The following N4BP2L2 variants were observed in gnomAD, a reference collection of about 807,000 sequenced individuals.
N4BP2L2 encodes NEDD4-binding protein 2-like 2.
A neutral mutation model predicts 56.2 loss-of-function variants in N4BP2L2; 50 were observed. The observed-to-expected ratio is 0.89, with a 90% CI of 0.71 to 1.13. The LOEUF (loss-of-function observed/expected upper bound fraction) is 1.13. Among genes scored for constraint, N4BP2L2 ranks in the 50% most tolerant of loss-of-function variants. N4BP2L2 has a pLI of 0.00. For synonymous variants in N4BP2L2, 203 were observed against 223.6 expected, an observed-to-expected ratio of 0.91 and a Z score of 0.82; for missense variants, 689 against 693.8, an observed-to-expected ratio of 0.99 and a Z score of 0.08.
chr13:32,518,538 A>T (rs1484117727), intron 5 of N4BP2L2, among the ~76,000 whole-genome samples: 3 of 152,192 alleles, frequency 2.0e-5, no homozygotes, highest in Non-Finnish European at 4.4e-5. Flanking sequence ...CCATATATAT[A>T]TGTATTATAC....
At chr13:32,454,420 G>A (rs1249035517) in intron 6 of N4BP2L2, among the ~76,000 whole-genome samples, 1 of 152,084 alleles carries the variant, frequency 6.6e-6, no homozygotes, top group Non-Finnish European at 1.5e-5. Context: ...AAACCTTGGG[G>A]GGGAGGGGGT....
chr13:32,526,736 CAA>C (rs2052927721), intron 3 of N4BP2L2: 1 of 129,710 alleles, frequency 7.7e-6, no homozygotes, highest in Non-Finnish European at 1.6e-5. Context: ...AATTTCAAAA[CAA>C]AAAGTATCAA....
chr13:32,458,267 G>A (rs182033941), intron 6 of N4BP2L2, among the ~76,000 whole-genome samples: 59 of 152,180 alleles, frequency 3.9e-4, no homozygotes, highest in African/African-American at 1.3e-3. Context: ...GGGTTTCACC[G>A]TGTTAGCCAG....
chr13:32,478,139 C>A, intron 6 of N4BP2L2: 1 of 1,032,366 alleles, frequency 9.7e-7, no homozygotes, highest in Non-Finnish European at 1.3e-6. Context: ...ACGCCATGGC[C>A]AGAACATTCA....
intron 6 of N4BP2L2, among the ~76,000 whole-genome samples, chr13:32,455,084 C>T (rs1331884058): frequency 6.6e-6 from 1 of 152,210 alleles, no homozygotes; most frequent in African/African-American, 2.4e-5. Context: ...GTCCCACTGT[C>T]CTACAACTCC....
At chr13:32,503,803 C>T (rs142927159) in intron 6 of N4BP2L2, among the ~76,000 whole-genome samples, 129 of 152,244 alleles carry the variant, frequency 8.5e-4, no homozygotes, top group African/African-American at 2.9e-3. Flanking sequence ...TCCAGCACTT[C>T]GGGGGACCGA....
exon 7 of N4BP2L2, chr13:32,443,349 T>A (rs765817606): frequency 1.2e-6 from 2 of 1,613,912 alleles, no homozygotes; most frequent in Non-Finnish European, 1.7e-6. Flanking sequence ...TCTGTTCACA[T>A]ATAAACTTAT....
At chr13:32,532,875 C>T (rs2055320772) in intron 2 of N4BP2L2, among the ~76,000 whole-genome samples, 1 of 142,668 alleles carries the variant, frequency 7.0e-6, no homozygotes, top group Non-Finnish European at 1.5e-5. Flanking sequence ...AGGGGTGAGC[C>T]ACCGGCACCC....
chr13:32,442,972 T>C (rs1385620913), exon 7 of N4BP2L2: 3 of 1,613,820 alleles, frequency 1.9e-6, no homozygotes, highest in South Asian at 1.1e-5. Context: ...TTTTAGTCCA[T>C]GGTTTTTTGT....
intron 6 of N4BP2L2, among the ~76,000 whole-genome samples, chr13:32,445,588 A>T (rs993090012): frequency 2.0e-5 from 3 of 151,956 alleles, no homozygotes; most frequent in Non-Finnish European, 4.4e-5. Context: ...CCCAGATTGT[A>T]GTGGTTCTAA....
intron 6 of N4BP2L2, among the ~76,000 whole-genome samples, chr13:32,487,139 T>TAACA (rs1314308684): frequency 3.3e-5 from 5 of 151,900 alleles, no homozygotes; most frequent in African/African-American, 1.2e-4. Context: ...CCTGCCTAGG[T>TAACA]AACATGGTGA....
At chr13:32,443,822 C>A in exon 7 of N4BP2L2, 1 of 1,586,418 alleles carries the variant, frequency 6.3e-7, no homozygotes, top group Non-Finnish European at 8.6e-7. Context: ...ATAGACATAA[C>A]GTTTTGGAAA....
chr13:32,521,567 G>C (rs182924363), intron 4 of N4BP2L2, 118 bp from the exon 5 acceptor site: 322 of 645,112 alleles, frequency 5.0e-4, no homozygotes, highest in Non-Finnish European at 5.9e-4. Context: ...CAAGAAAAAT[G>C]ACGCTTTATA....
At chr13:32,451,972 A>C (rs1456796483) in intron 6 of N4BP2L2, among the ~76,000 whole-genome samples, 1 of 152,204 alleles carries the variant, frequency 6.6e-6, no homozygotes. Context: ...TCTACCGAAT[A>C]TTCAAGGAAT....
chr13:32,481,118 CAAAA>C (rs60854435), intron 6 of N4BP2L2, among the ~76,000 whole-genome samples: 317 of 20,578 alleles, frequency 0.015, no homozygotes, highest in African/African-American at 0.058. Flanking sequence ...GACTCTGTCT[CAAAA>C]AAAAAAAAAA....
intron 2 of N4BP2L2, among the ~76,000 whole-genome samples, chr13:32,528,454 G>A (rs2053714203): frequency 6.6e-6 from 1 of 152,124 alleles, no homozygotes; most frequent in South Asian, 2.1e-4. Context: ...CTCAGTTCAG[G>A]TCAATGATAA....
intron 6 of N4BP2L2, among the ~76,000 whole-genome samples, chr13:32,462,237 T>C (rs992500611): frequency 1.3e-5 from 2 of 152,168 alleles, no homozygotes; most frequent in African/African-American, 4.8e-5. Context: ...GTGGTATATA[T>C]ACACAATGAA....
intron 6 of N4BP2L2, among the ~76,000 whole-genome samples, chr13:32,458,255 C>T (rs753062821): frequency 3.9e-5 from 6 of 152,092 alleles, no homozygotes; most frequent in Non-Finnish European, 7.4e-5. Flanking sequence ...TTAGTAGAGA[C>T]GGGGTTTCAC....
chr13:32,533,833 A>G (rs1450299633), intron 2 of N4BP2L2, among the ~76,000 whole-genome samples: 1 of 152,162 alleles, frequency 6.6e-6, no homozygotes, highest in East Asian at 1.9e-4. Context: ...GTGAACTCCT[A>G]TATGAAGCCA....
Sources: gnomAD v4.1 joint callset for allele counts (sites outside exome capture counted in the v4.1 genomes callset) on GRCh38, gnomAD v4.1.1 for gene constraint, MANE v1.5 for transcripts, NCBI Gene and HGNC (gene_info 2026-07-23, HGNC 2026-07-21) for gene names.